The following CFTR variants were observed in gnomAD, a reference collection of about 807,000 sequenced individuals.
CFTR encodes CF transmembrane conductance regulator.
In CFTR, 181 loss-of-function variants were observed where a neutral mutation model predicts 171.6. The ratio of observed to expected loss-of-function variants is 1.05; its 90% confidence interval spans 0.93 to 1.19. The LOEUF is 1.19. CFTR is among the 50% of genes most tolerant of loss of function. The probability of loss-of-function intolerance (pLI) is 0.00; values close to 1 mark genes in which losing one functional copy is unlikely to be tolerated. For synonymous variants in CFTR, 583 were observed against 608.0 expected (o/e 0.96, Z 0.60); for missense variants, 1,968 against 1,734.7 (o/e 1.13, Z -2.39).
At position 117,606,807 on chromosome 7, in the gene CFTR, CA is replaced by C. The variant is rs2116070163; in HGVS notation, c.2988+58del. ...GTCTGTATTATTAAAAAAACAATAA[CA>C]AAAGCAAATGTGATTTTGTTTTCAT... On this transcript the variant is annotated intron_variant, in intron 18 of 26. Coordinates refer to ENST00000003084, the MANE Select transcript of CFTR (RefSeq NM_000492.4). 3.0e-6 allele frequency: 3 copies of C among 1,005,406 alleles called. No individual in the cohort carries two copies. The East Asian group carries it at 7.1e-5, about 24-fold the overall frequency. 62.3% of individuals were successfully genotyped at this position (1,005,406 alleles called of 1,614,324 possible).
intron 21 of CFTR, among the ~76,000 whole-genome samples, chr7:117,627,094 A>G (rs1368917728): frequency 6.6e-6 from 1 of 152,130 alleles, no homozygotes; most frequent in Non-Finnish European, 1.5e-5. Flanking sequence ...TTGACACATA[A>G]AATTATAGTT....
At chr7:117,536,045 A>G (rs149026785) in intron 6 of CFTR, among the ~76,000 whole-genome samples, 1 of 152,200 alleles carries the variant, frequency 6.6e-6, no homozygotes, top group Admixed American at 6.5e-5. Context: ...ACTCTGGTTT[A>G]TGGATCATCA....
intron 1 of CFTR, among the ~76,000 whole-genome samples, chr7:117,489,506 G>A (rs533483613): frequency 6.6e-6 from 1 of 151,924 alleles, no homozygotes; most frequent in Non-Finnish European, 1.5e-5. Context: ...ATCATATGTG[G>A]CTTATTATTG....
At chr7:117,620,847 C>T (rs1223034341) in intron 21 of CFTR, among the ~76,000 whole-genome samples, 1 of 152,154 alleles carries the variant, frequency 6.6e-6, no homozygotes, top group Admixed American at 6.5e-5. Context: ...TGGCTCATGC[C>T]TGTAATCCCA....
At chr7:117,635,373 A>G (rs978034469) in intron 22 of CFTR, among the ~76,000 whole-genome samples, 1 of 151,986 alleles carries the variant, frequency 6.6e-6, no homozygotes, top group Non-Finnish European at 1.5e-5. Flanking sequence ...AATAGTTCAG[A>G]GTTGTTTTTC....
At chr7:117,500,937 C>G (rs2116630512) in intron 1 of CFTR, among the ~76,000 whole-genome samples, 1 of 152,240 alleles carries the variant, frequency 6.6e-6, no homozygotes, top group Non-Finnish European at 1.5e-5. Context: ...ACACAGGAAG[C>G]TTTTTATAAA....
At chr7:117,659,115 T>G (rs1228741560) in intron 24 of CFTR, among the ~76,000 whole-genome samples, 4 of 152,184 alleles carry the variant, frequency 2.6e-5, no homozygotes, top group African/African-American at 9.6e-5. Context: ...CTGCAGAGGC[T>G]TTTTTGTTCA....
intron 1 of CFTR, among the ~76,000 whole-genome samples, chr7:117,502,843 A>G (rs971023110): frequency 6.6e-6 from 1 of 152,254 alleles, no homozygotes; most frequent in African/African-American, 2.4e-5. Flanking sequence ...TGGAAAAAAT[A>G]TGACATAGTA....
At chr7:117,561,382 AT>A (rs1180858774) in intron 11 of CFTR, among the ~76,000 whole-genome samples, 1 of 152,014 alleles carries the variant, frequency 6.6e-6, no homozygotes, top group Non-Finnish European at 1.5e-5. Flanking sequence ...TTTTTAGCAT[AT>A]TCACAGGGTT....
intron 11 of CFTR, among the ~76,000 whole-genome samples, chr7:117,567,776 G>A (rs997800504): frequency 2.6e-5 from 4 of 152,308 alleles, no homozygotes; most frequent in African/African-American, 9.6e-5. Context: ...TTTGATGACA[G>A]AGACACAATC....
In CFTR at chr7:117,612,011, AT is replaced by A. The variant is rs1279554993; in HGVS notation, c.3367+204del. 7.0e-3 allele frequency among the ~76,000 whole-genome samples: 397 copies of A among 56,502 alleles called. 5 individuals are homozygous for A. Among genetic ancestry groups the A allele is most frequent in the Non-Finnish European group, 9.1e-3 (289 of 31,868 alleles). The allele number at this position is 56,502 out of a possible 152,430, so 37.1% of individuals were successfully genotyped here. ...AAATAATTTCCTTGAAATCGGATAT[AT>A]ATATATATATGTATATATATATATA... On this transcript the variant is annotated intron_variant, in intron 20 of 26. Transcript: ENST00000003084.
At position 117,536,638 on chromosome 7, in the gene CFTR, A is replaced by T; in HGVS notation, c.834A>T (p.Glu278Asp). ...NIQSVKAYCW[E>D]EAMEKMIENL... ...AATCTGTTAAGGCATACTGCTGGGA[A>T]GAAGCAATGGAAAAAATGATTGAAA... The change falls in exon 7 of 27, where the codon GAA (glutamate) becomes GAT (aspartate). Residue 278 changes from glutamate to aspartate, a missense_variant. Transcript: ENST00000003084. The T allele has an allele frequency of 6.2e-7, 1 of 1,612,030 alleles. No homozygotes were observed. Among genetic ancestry groups the T allele is most frequent in the Non-Finnish European group, 8.5e-7 (1 of 1,179,210 alleles).
intron 1 of CFTR, among the ~76,000 whole-genome samples, chr7:117,496,971 G>T (rs764771988): frequency 1.3e-5 from 2 of 150,410 alleles, no homozygotes; most frequent in African/African-American, 2.4e-5. Flanking sequence ...TCTTGATGGT[G>T]TCCTTTGAAG....
At chr7:117,541,722 A>G (rs1799055648) in intron 8 of CFTR, among the ~76,000 whole-genome samples, 1 of 152,192 alleles carries the variant, frequency 6.6e-6, no homozygotes, top group Admixed American at 6.5e-5. Context: ...TAAATTCATC[A>G]CTAAGGTTAG....
At chr7:117,501,776 C>CAAAAAAAAAAAAAAAAAAAAAAAAAA (rs796991857) in intron 1 of CFTR, among the ~76,000 whole-genome samples, 4 of 84,332 alleles carry the variant, frequency 4.7e-5, no homozygotes, top group South Asian at 4.0e-4. Context: ...AAAAAAGAAA[C>CAAAAAAAAAAAAAAAAAAAAAAAAAA]AAAAAAAAAA....
intron 4 of CFTR, among the ~76,000 whole-genome samples, chr7:117,531,344 G>T (rs1025368123): frequency 2.7e-5 from 4 of 148,560 alleles, no homozygotes; most frequent in Non-Finnish European, 4.5e-5. Context: ...CTCTGTTGTA[G>T]TTTTTTTTTT....
In CFTR at chr7:117,522,947, A is replaced by G. The variant is rs373581852; in HGVS notation, c.274-7952A>G. 9.7e-4 allele frequency among the ~76,000 whole-genome samples: 147 copies of G among 152,246 alleles called. 1 individual carries two copies. The highest frequency in any genetic ancestry group is 6.8e-3 in the Middle Eastern group (2 of 294). On this transcript the variant is annotated intron_variant, in intron 3 of 26. Coordinates refer to ENST00000003084, the MANE Select transcript of CFTR (RefSeq NM_000492.4). ...AGAAGGGGTGGGGTTTCGGAGTGCT[A>G]ATTTTGTCCTTGAATGGTAACAGCT... is the stretch of plus-strand genomic sequence containing the variant.
At chr7:117,543,406 C>G (rs1005100164) in intron 9 of CFTR, among the ~76,000 whole-genome samples, 1 of 152,148 alleles carries the variant, frequency 6.6e-6, no homozygotes, top group Non-Finnish European at 1.5e-5. Context: ...CTACTACTTT[C>G]AGGTCATTAT....
At chr7:117,602,119 A>G (rs1267982023) in intron 15 of CFTR, among the ~76,000 whole-genome samples, 2 of 151,922 alleles carry the variant, frequency 1.3e-5, no homozygotes, top group Admixed American at 6.6e-5. Flanking sequence ...TGCAACCTCT[A>G]CCTTCTGTGT....
Sources: gnomAD v4.1 joint callset for allele counts (sites outside exome capture counted in the v4.1 genomes callset) on GRCh38, gnomAD v4.1.1 for gene constraint, MANE v1.5 for transcripts, NCBI Gene and HGNC (gene_info 2026-07-23, HGNC 2026-07-21) for gene names.